Variants in NARS2 observed in about 807,000 individuals in gnomAD.
NARS2 encodes the protein asparaginyl-tRNA synthetase 2, mitochondrial.
Under a neutral mutation model 62.9 loss-of-function variants are expected in NARS2, and 60 were observed. The observed-to-expected ratio is 0.95, with a 90% CI of 0.77 to 1.18. The LOEUF is 1.18. NARS2 is among the 50% of genes most tolerant of loss of function. The pLI is 0.00. For missense variants in NARS2, 619 were observed against 576.4 expected (o/e 1.07, Z -0.76); for synonymous variants, 196 against 200.0 (o/e 0.98, Z 0.17).
intron 6 of NARS2, among the ~76,000 whole-genome samples, chr11:78,507,767 C>A (rs1026843611): frequency 1.3e-5 from 2 of 152,154 alleles, no homozygotes; most frequent in African/African-American, 4.8e-5. Flanking sequence ...GATCCACCCA[C>A]CTCGGCCTCC....
At chr11:78,441,588 G>C (rs899899397) in intron 12 of NARS2, among the ~76,000 whole-genome samples, 1 of 152,034 alleles carries the variant, frequency 6.6e-6, no homozygotes, top group African/African-American at 2.4e-5. Context: ...GTGTGTGCCT[G>C]TAGTCCCAGC....
At chr11:78,572,998 T>A (rs1590883191) in intron 1 of NARS2, 1 of 152,210 alleles carries the variant, frequency 6.6e-6, no homozygotes, top group Non-Finnish European at 1.5e-5. Context: ...TCCTCTAACC[T>A]GGGCAGCAGG....
Position 78,523,944 on chromosome 11 carries a change from C to T in NARS2, c.689+4898G>A, listed in dbSNP as rs113460324. Among the ~76,000 whole-genome samples, 365 of 152,184 alleles carry T rather than the reference C, an allele frequency of 2.4e-3. 1 individual carries two copies. The highest frequency in any genetic ancestry group is 8.1e-3 in the African/African-American group (337 of 41,538). ...GATACTTGAATATCTTCAAAATATG[C>T]TAAAACCCACTGAATTGCACACTTC... On this transcript the variant is annotated intron_variant, in intron 6 of 13. Coordinates refer to ENST00000281038, the MANE Select transcript of NARS2 (RefSeq NM_024678.6).
At chr11:78,445,548 T>C (rs950898588) in intron 11 of NARS2, among the ~76,000 whole-genome samples, 4 of 152,294 alleles carry the variant, frequency 2.6e-5, no homozygotes, top group Admixed American at 6.5e-5. Context: ...CTTGAACTTA[T>C]GAGGCGGAGG....
intron 6 of NARS2, among the ~76,000 whole-genome samples, chr11:78,521,368 C>T (rs1429541547): frequency 1.3e-5 from 2 of 151,940 alleles, no homozygotes; most frequent in African/African-American, 4.8e-5. Context: ...AGACTAGGTC[C>T]CACTATGTTG....
intron 6 of NARS2, among the ~76,000 whole-genome samples, chr11:78,494,800 T>C (rs1290098571): frequency 1.3e-5 from 2 of 152,342 alleles, no homozygotes; most frequent in African/African-American, 4.8e-5. Context: ...ATTTTGACCC[T>C]GTTCCCCAAA....
chr11:78,567,580 G>A (rs1221041738), intron 3 of NARS2, among the ~76,000 whole-genome samples: 3 of 152,024 alleles, frequency 2.0e-5, no homozygotes, highest in East Asian at 1.9e-4. Flanking sequence ...AATGGTTACC[G>A]TCTATATTAC....
At chr11:78,510,948 A>G (rs1422528918) in intron 6 of NARS2, among the ~76,000 whole-genome samples, 1 of 152,244 alleles carries the variant, frequency 6.6e-6, no homozygotes, top group Non-Finnish European at 1.5e-5. Flanking sequence ...TTCTAAAAAA[A>G]CGAAAATCTA....
At chr11:78,559,936 A>C (rs574745610) in intron 4 of NARS2, among the ~76,000 whole-genome samples, 1 of 152,356 alleles carries the variant, frequency 6.6e-6, no homozygotes, top group African/African-American at 2.4e-5. Flanking sequence ...AGCCAGGACT[A>C]GAACCTAGGT....
chr11:78,538,633 G>C (rs1216267580), intron 5 of NARS2, among the ~76,000 whole-genome samples: 1 of 152,074 alleles, frequency 6.6e-6, no homozygotes, highest in Non-Finnish European at 1.5e-5. Context: ...GTGGGAAGGG[G>C]GTGTCATACC....
chr11:78,512,458 G>A (rs1353879017), intron 6 of NARS2, among the ~76,000 whole-genome samples: 1 of 152,132 alleles, frequency 6.6e-6, no homozygotes, highest in African/African-American at 2.4e-5. Context: ...TAATATTTCA[G>A]TGCCTGCACA....
intron 4 of NARS2, among the ~76,000 whole-genome samples, chr11:78,563,962 C>A (rs1307250941): frequency 6.8e-6 from 1 of 146,388 alleles, no homozygotes; most frequent in African/African-American, 2.6e-5. Flanking sequence ...AGTGCAGTGG[C>A]GCAGTCTCTA....
intron 11 of NARS2, among the ~76,000 whole-genome samples, chr11:78,447,351 A>G (rs1469305942): frequency 3.9e-5 from 6 of 152,130 alleles, no homozygotes; most frequent in Admixed American, 3.9e-4. Flanking sequence ...AAGATGAAAA[A>G]TAAGTTTGGA....
At position 78,558,380 on chromosome 11, in the gene NARS2, A is replaced by G. The variant is rs538148683; in HGVS notation, c.594+1159T>C. 5.3e-5 allele frequency: 8 copies of G among 152,342 alleles called. No homozygotes were observed. In the South Asian group the frequency reaches 1.7e-3, roughly 32 times the overall value. 9.4% of individuals were successfully genotyped at this position (152,342 alleles called of 1,614,324 possible). On this transcript the variant is annotated intron_variant, in intron 5 of 13. Transcript: ENST00000281038. ...CTTCTCCCAGAGACTACTTTGTTCA[A>G]TAATATAAAGCACCACCACCATTAT...
chr11:78,454,064 A>C lies in NARS2; in HGVS notation c.1165-10306T>G, dbSNP rs183161398. ...GTGAGCTCTAAATTTCAAGTGAACC[A>C]GAAGAAAACATCAGTTGAGAACTCC... On this transcript the variant is annotated intron_variant, in intron 11 of 13. Transcript: ENST00000281038. 5.9e-5 allele frequency among the ~76,000 whole-genome samples: 9 copies of C among 152,376 alleles called. No individual in the cohort carries two copies. In the East Asian group the frequency reaches 1.7e-3, roughly 29 times the overall value.
At chr11:78,489,863 T>C (rs1211565249) in intron 7 of NARS2, among the ~76,000 whole-genome samples, 1 of 151,978 alleles carries the variant, frequency 6.6e-6, no homozygotes, top group African/African-American at 2.4e-5. Context: ...GAGACCAGCG[T>C]GGGTAACACA....
At chr11:78,520,504 A>G (rs1266030793) in intron 6 of NARS2, among the ~76,000 whole-genome samples, 1 of 152,188 alleles carries the variant, frequency 6.6e-6, no homozygotes, top group Non-Finnish European at 1.5e-5. Flanking sequence ...GTTTCTAAAA[A>G]AGGTTGCAAT....
At chr11:78,565,643 C>T (rs1277347075) in intron 4 of NARS2, among the ~76,000 whole-genome samples, 3 of 152,182 alleles carry the variant, frequency 2.0e-5, no homozygotes, top group African/African-American at 7.2e-5. Context: ...TTAGGTAGAT[C>T]AGTGCATTTG....
intron 10 of NARS2, among the ~76,000 whole-genome samples, chr11:78,468,040 A>G (rs1336840640): frequency 7.0e-5 from 8 of 113,956 alleles, no homozygotes; most frequent in East Asian, 4.2e-4. Flanking sequence ...GTAAGTATTG[A>G]AAAAAAAAAA....
Sources: gnomAD v4.1 joint callset for allele counts (sites outside exome capture counted in the v4.1 genomes callset) on GRCh38, gnomAD v4.1.1 for gene constraint, MANE v1.5 for transcripts, NCBI Gene and HGNC (gene_info 2026-07-23, HGNC 2026-07-21) for gene names.